Variants in GFM1 observed in about 807,000 individuals in gnomAD.
GFM1 encodes the protein G elongation factor mitochondrial 1.
In GFM1, 62 loss-of-function variants were observed where a neutral mutation model predicts 96.2. That is an observed-to-expected ratio of 0.64 (90% CI 0.53 to 0.80). The LOEUF (loss-of-function observed/expected upper bound fraction) is 0.80, where lower values mean the gene tolerates loss of function less well. Among genes scored for constraint, GFM1 ranks in the 30% least tolerant of loss-of-function variants. The probability of loss-of-function intolerance (pLI) is 0.00; values close to 1 mark genes in which losing one functional copy is unlikely to be tolerated. For missense variants in GFM1, 852 were observed against 916.6 expected (o/e 0.93, Z 0.91); for synonymous variants, 282 against 312.9 (o/e 0.90, Z 1.04).
chr3:158,681,974 T>TC, intron 13 of GFM1, 21 bp from the exon 14 acceptor site: 1 of 1,606,302 alleles, frequency 6.2e-7, no homozygotes, highest in Non-Finnish European at 8.5e-7. Flanking sequence ...CTCCATTTTT[T>TC]TTTTCCTAAA....
intron 17 of GFM1, 69 bp from the exon 18 acceptor site, chr3:158,691,267 G>A: frequency 6.2e-7 from 1 of 1,606,886 alleles, no homozygotes; most frequent in South Asian, 1.1e-5. Flanking sequence ...GACCTTGTAT[G>A]ACTTTTACTT....
chr3:158,665,500 T>A (rs111614138), intron 12 of GFM1, 26 bp downstream of exon 12: 1 of 1,583,882 alleles, frequency 6.3e-7, no homozygotes. Context: ...GAAGTTAAGT[T>A]GAAATCAATT....
intron 13 of GFM1, among the ~76,000 whole-genome samples, chr3:158,676,640 C>G (rs1724917476): frequency 6.6e-6 from 1 of 151,622 alleles, no homozygotes. Flanking sequence ...ATGTTTTTTA[C>G]AAATTGAGGG....
chr3:158,658,877 T>C (rs752471268), intron 8 of GFM1, 45 bp from the exon 9 acceptor site: 2 of 1,605,892 alleles, frequency 1.2e-6, no homozygotes, highest in Non-Finnish European at 1.7e-6. Flanking sequence ...TTGATTATTA[T>C]GTTTCTTTTT....
At chr3:158,681,231 C>CT (rs1184571068) in intron 13 of GFM1, among the ~76,000 whole-genome samples, 1 of 152,180 alleles carries the variant, frequency 6.6e-6, no homozygotes, top group Non-Finnish European at 1.5e-5. Flanking sequence ...CAGCTGGCCT[C>CT]TTCCATCTTG....
intron 13 of GFM1, among the ~76,000 whole-genome samples, chr3:158,671,896 C>T (rs989487158): frequency 1.3e-5 from 2 of 152,140 alleles, no homozygotes; most frequent in African/African-American, 4.8e-5. Flanking sequence ...CTGTTTGTTT[C>T]CCCCTTCATT....
Position 158,661,269 on chromosome 3 carries a change from G to T in GFM1, c.1323+294G>T, listed in dbSNP as rs576329828. ...ATCTCCACCAGATGGTACCTGGACA[G>T]TGTGGCTCTGATTCCTCCACCCTGA... On this transcript the variant is annotated intron_variant, in intron 10 of 17. Coordinates refer to ENST00000486715, the MANE Select transcript of GFM1 (RefSeq NM_024996.7). Among the ~76,000 whole-genome samples, 5 of 152,330 alleles carry T rather than the reference G, an allele frequency of 3.3e-5. No individual in the cohort carries two copies. In the South Asian group the frequency reaches 1.0e-3, roughly 32 times the overall value.
At chr3:158,669,515 T>G (rs377173769) in intron 13 of GFM1, 1 of 1,613,900 alleles carries the variant, frequency 6.2e-7, no homozygotes, top group Non-Finnish European at 8.5e-7. Context: ...CTGGATTCTT[T>G]CCAGTTTCTC....
intron 7 of GFM1, 122 bp from the exon 8 acceptor site, chr3:158,654,425 G>T: frequency 1.5e-6 from 1 of 646,686 alleles, no homozygotes; most frequent in African/African-American, 1.8e-5. Context: ...TTACTTATGT[G>T]TGACAGCAGT....
intron 8 of GFM1, chr3:158,656,662 ATTC>A (rs1303808159): frequency 6.6e-6 from 1 of 152,232 alleles, no homozygotes; most frequent in Non-Finnish European, 1.5e-5. Context: ...GTTATTTGGA[ATTC>A]TTCTGAAAGG....
chr3:158,646,638 A>G (rs1372177262), intron 3 of GFM1, 105 bp from the exon 4 acceptor site: 1 of 1,003,466 alleles, frequency 1.0e-6, no homozygotes, highest in African/African-American at 1.6e-5. Flanking sequence ...CTACATTCTT[A>G]TTAGAAGACT....
rs1244497749 is a variant in GFM1 at position 158,691,444 on chromosome 3, A to C, written c.2233A>C (p.Lys745Gln). The C allele has an allele frequency of 6.2e-7, 1 of 1,613,382 alleles. No homozygotes were observed. The highest frequency in any genetic ancestry group is 8.5e-7 in the Non-Finnish European group (1 of 1,179,578). ...YLEATGQLPV[K>Q]KGKAKN is the part of the protein sequence containing the mutation. ...GGAAGCTACAGGTCAACTTCCTGTT[A>C]AAAAAGGAAAAGCCAAGAACTAACT... Residue 745 changes from lysine to glutamine, a missense_variant, in exon 18 of 18, where the codon AAA becomes CAA. Transcript: ENST00000486715.
At chr3:158,653,193 A>G (rs1290444773) in intron 6 of GFM1, 117 bp from the exon 7 acceptor site, 2 of 790,238 alleles carry the variant, frequency 2.5e-6, no homozygotes, top group Non-Finnish European at 4.1e-6. Flanking sequence ...AGTCTCTATT[A>G]GAGTCAGCAC....
intron 13 of GFM1, chr3:158,669,418 G>A (rs754323507): frequency 6.3e-7 from 1 of 1,593,178 alleles, no homozygotes; most frequent in Admixed American, 1.8e-5. Context: ...TGGTTTTCAT[G>A]CCATATTTAT....
At chr3:158,661,741 G>C (rs771196115) in intron 10 of GFM1, among the ~76,000 whole-genome samples, 2 of 152,150 alleles carry the variant, frequency 1.3e-5, no homozygotes, top group Admixed American at 6.5e-5. Flanking sequence ...AGGGTGACAG[G>C]TAATTTGCAG....
At chr3:158,683,573 A>G (rs1725585698) in intron 14 of GFM1, among the ~76,000 whole-genome samples, 1 of 152,220 alleles carries the variant, frequency 6.6e-6, no homozygotes, top group Non-Finnish European at 1.5e-5. Context: ...TAGAGCTATA[A>G]TGTAGTGATC....
intron 13 of GFM1, chr3:158,668,969 A>G (rs749446738): frequency 1.3e-6 from 2 of 1,556,236 alleles, no homozygotes; most frequent in Non-Finnish European, 1.8e-6. Context: ...AACCCCATTA[A>G]TAGTGTATTT....
chr3:158,646,363 T>C, intron 3 of GFM1, 66 bp downstream of exon 3: 1 of 1,535,412 alleles, frequency 6.5e-7, no homozygotes, highest in Non-Finnish European at 9.0e-7. Flanking sequence ...TTTCTCTTAC[T>C]GTGACCCAAT....
Position 158,682,037 on chromosome 3 carries a change from G to GTA in GFM1, c.1646_1647dup (p.Gly550MetfsTer4). 6.2e-7 allele frequency: 1 copy of GTA among 1,613,596 alleles called. No individual in the cohort carries two copies. Among genetic ancestry groups the GTA allele is most frequent in the African/African-American group, 1.3e-5 (1 of 74,984 alleles). On this transcript the variant is annotated frameshift_variant, in exon 14 of 18. Transcript: ENST00000486715. LOFTEE classifies it high-confidence loss of function. ...AAAAACAATCAGGTGGTGCAGGCCA[G>GTA]TATGGAAAAGTAATAGGTGTCCTGG...
Sources: allele counts gnomAD v4.1 joint callset (sites outside exome capture counted in the v4.1 genomes callset), GRCh38; gene constraint gnomAD v4.1.1; transcripts MANE v1.5; gene names NCBI Gene and HGNC (gene_info 2026-07-23, HGNC 2026-07-21).